The following SAMMSON variants were observed in gnomAD, a reference collection of about 807,000 sequenced individuals.
SAMMSON encodes survival associated mitochondrial melanoma specific oncogenic non-coding RNA.
chr3:70,027,862 T>C (rs2067047194), intron 3 of SAMMSON, among the ~76,000 whole-genome samples: 1 of 152,146 alleles, frequency 6.6e-6, no homozygotes, highest in Non-Finnish European at 1.5e-5. Context: ...TGCAAGGTAA[T>C]GCGGTGATTT....
intron 7 of SAMMSON, among the ~76,000 whole-genome samples, chr3:70,313,306 A>G (rs1702471153): frequency 6.6e-6 from 1 of 152,052 alleles, no homozygotes; most frequent in African/African-American, 2.4e-5. Flanking sequence ...CATTTCTACA[A>G]AAATTTAAAT....
chr3:70,382,428 A>G (rs573100729), intron 9 of SAMMSON, among the ~76,000 whole-genome samples: 6 of 152,150 alleles, frequency 3.9e-5, no homozygotes, highest in African/African-American at 1.4e-4. Flanking sequence ...CTCTTAGGGG[A>G]TATTTTGCAA....
intron 4 of SAMMSON, among the ~76,000 whole-genome samples, chr3:70,193,084 C>T (rs912048709): frequency 2.0e-5 from 3 of 152,152 alleles, no homozygotes. Flanking sequence ...TTGAGAACCA[C>T]TGCTTTAGAG....
intron 4 of SAMMSON, among the ~76,000 whole-genome samples, chr3:70,109,900 T>A (rs866464039): frequency 6.6e-6 from 1 of 152,260 alleles, no homozygotes; most frequent in East Asian, 1.9e-4. Flanking sequence ...TTAGCAAATA[T>A]TTATTGTGCA....
chr3:70,393,858 T>G (rs2106758715), downstream of SAMMSON, among the ~76,000 whole-genome samples: 1 of 152,298 alleles, frequency 6.6e-6, no homozygotes, highest in South Asian at 2.1e-4. Context: ...AGAGTTGGAC[T>G]TCTTACTCTA....
intron 2 of SAMMSON, among the ~76,000 whole-genome samples, chr3:70,402,636 C>A (rs151074015): frequency 0.011 from 1,701 of 152,086 alleles, 32 homozygotes; most frequent in African/African-American, 0.039. Flanking sequence ...CTGAGGTGGG[C>A]GGACCACCTG....
At chr3:70,140,389 CT>C in intron 4 of SAMMSON, 1 of 202,160 alleles carries the variant, frequency 4.9e-6, no homozygotes. Flanking sequence ...AGTGTATATC[CT>C]TCCAGTCACA....
chr3:70,054,356 C>T (rs969862444), intron 3 of SAMMSON, among the ~76,000 whole-genome samples: 1 of 152,068 alleles, frequency 6.6e-6, no homozygotes, highest in African/African-American at 2.4e-5. Context: ...TTGGAATGCA[C>T]AGCAAGGAAG....
chr3:70,100,533 G>GAAAAA lies in SAMMSON; in HGVS notation n.507+28970_507+28971insAAAAA, dbSNP rs143471172. ...GAAAGAGTGGGGGGGGGGGGGGGGG[G>GAAAAA]AAGCACCAAATGTAGTTTTCTGAAG... On this transcript the variant is annotated intron_variant and non_coding_transcript_variant, in intron 4 of 9. Coordinates refer to ENST00000642114, the Ensembl canonical transcript of SAMMSON. Among the ~76,000 whole-genome samples the GAAAAA allele has an allele frequency of 3.7e-4, 55 of 149,448 alleles. 1 individual carries two copies. The highest frequency in any genetic ancestry group is 3.4e-3 in the Middle Eastern group (1 of 292).
chr3:70,407,471 C>A (rs1701185760), intron 2 of SAMMSON, among the ~76,000 whole-genome samples: 1 of 152,150 alleles, frequency 6.6e-6, no homozygotes. Context: ...TACAGCCTTT[C>A]CAAATGAGAG....
At chr3:70,286,430 G>C (rs540165070) in intron 6 of SAMMSON, among the ~76,000 whole-genome samples, 15 of 150,456 alleles carry the variant, frequency 1.0e-4, no homozygotes, top group Admixed American at 2.6e-4. Context: ...CTCTGTTTTG[G>C]TACCAGTACC....
At chr3:70,247,675 T>C (rs897894383) in intron 4 of SAMMSON, among the ~76,000 whole-genome samples, 1 of 151,966 alleles carries the variant, frequency 6.6e-6, no homozygotes, top group Non-Finnish European at 1.5e-5. Flanking sequence ...ATCCCAATCA[T>C]CATTATCATT....
intron 4 of SAMMSON, among the ~76,000 whole-genome samples, chr3:70,149,370 G>C (rs138102854): frequency 6.6e-6 from 1 of 152,064 alleles, no homozygotes. Flanking sequence ...TCTACAGTTA[G>C]TAGTGGCTTA....
chr3:70,022,728 A>G (rs1045998846), intron 3 of SAMMSON, among the ~76,000 whole-genome samples: 3 of 152,178 alleles, frequency 2.0e-5, no homozygotes, highest in African/African-American at 7.2e-5. Context: ...TAATTCACTG[A>G]TTCTCATCAA....
At chr3:70,207,597 A>T (rs1701304830) in intron 4 of SAMMSON, among the ~76,000 whole-genome samples, 1 of 152,026 alleles carries the variant, frequency 6.6e-6, no homozygotes, top group Admixed American at 6.6e-5. Context: ...AATACAACAA[A>T]TCCTAGATAC....
At chr3:70,038,463 C>T (rs2067094602) in intron 3 of SAMMSON, among the ~76,000 whole-genome samples, 1 of 152,076 alleles carries the variant, frequency 6.6e-6, no homozygotes, top group African/African-American at 2.4e-5. Flanking sequence ...TTCCAGCCAC[C>T]AGAATCATGA....
At chr3:70,253,251 A>T (rs993697215) in intron 6 of SAMMSON, among the ~76,000 whole-genome samples, 10 of 152,190 alleles carry the variant, frequency 6.6e-5, no homozygotes, top group Non-Finnish European at 1.2e-4. Context: ...TCCTGAAAGA[A>T]GTAATAGAGG....
At chr3:70,104,563 C>T (rs1178332461) in intron 4 of SAMMSON, among the ~76,000 whole-genome samples, 3 of 152,088 alleles carry the variant, frequency 2.0e-5, no homozygotes, top group Non-Finnish European at 4.4e-5. Flanking sequence ...TGCGAACACC[C>T]CCAAGGGAAA....
intron 4 of SAMMSON, among the ~76,000 whole-genome samples, chr3:70,143,626 G>C (rs1293267668): frequency 1.3e-5 from 2 of 152,076 alleles, no homozygotes; most frequent in African/African-American, 4.8e-5. Flanking sequence ...GGTGGAAGGA[G>C]AGTGAAGTAA....
Sources: gnomAD v4.1 joint callset for allele counts (sites outside exome capture counted in the v4.1 genomes callset) on GRCh38, gnomAD v4.1.1 for gene constraint, MANE v1.5 for transcripts, NCBI Gene and HGNC (gene_info 2026-07-23, HGNC 2026-07-21) for gene names.